The following LYRM7 variants were observed in gnomAD, a reference collection of about 807,000 sequenced individuals.
The protein encoded by LYRM7 is complex III assembly factor LYRM7.
Under a neutral mutation model 15.8 loss-of-function variants are expected in LYRM7, and 9 were observed. The observed-to-expected ratio is 0.57, with a 90% confidence interval of 0.34 to 0.99. LYRM7 has a LOEUF of 0.99. Ranked by LOEUF, LYRM7 falls within the 50% of genes least tolerant of loss-of-function variation. The pLI is 0.02. For synonymous variants in LYRM7, 39 were observed against 39.4 expected (o/e 0.99, Z 0.04); for missense variants, 115 against 119.1 (o/e 0.97, Z 0.16).
chr5:131,196,077 C>A (rs1048474957), intron 4 of LYRM7, among the ~76,000 whole-genome samples: 2 of 151,582 alleles, frequency 1.3e-5, no homozygotes, highest in Non-Finnish European at 2.9e-5. Flanking sequence ...GTGCTTGTTG[C>A]CTCTCCAGTA....
In LYRM7 at chr5:131,195,217, G is replaced by A. The variant is rs1755944509; in HGVS notation, c.245-4314G>A. ...TGGGAGGCAGAGGTTGCAGTGAGCC[G>A]AGATCACAGCCACTGCACTCCAGCC... is the stretch of plus-strand genomic sequence containing the variant. On this transcript the variant is annotated intron_variant, in intron 4 of 4. Coordinates refer to ENST00000379380, the MANE Select transcript of LYRM7 (RefSeq NM_181705.4). 2.0e-5 allele frequency among the ~76,000 whole-genome samples: 3 copies of A among 152,036 alleles called. No homozygotes were observed. The South Asian group carries it at 6.2e-4, about 32-fold the overall frequency.
rs1032461492 is a variant in LYRM7, at chr5:131,189,446, A to G, written c.244+2337A>G. Among the ~76,000 whole-genome samples, 91 of 97,560 alleles carry G rather than the reference A, an allele frequency of 9.3e-4. No individual in the cohort carries two copies. In the South Asian group the frequency reaches 0.018, roughly 20 times the overall value. The allele number at this position is 97,560 out of a possible 152,430, so 64.0% of individuals were successfully genotyped here. A position where few individuals can be genotyped will look rare whatever the true frequency, so the allele number is the denominator to read the frequency against. On this transcript the variant is annotated intron_variant, in intron 4 of 4. Coordinates refer to ENST00000379380, the MANE Select transcript of LYRM7 (RefSeq NM_181705.4). ...CAACAGAGCAAGACTCCGTCTCCCA[A>G]AAAAAAAAAAAAAAAAAAAAAAAAA...
At chr5:131,193,363 A>G (rs1269223784) in intron 4 of LYRM7, among the ~76,000 whole-genome samples, 1 of 152,262 alleles carries the variant, frequency 6.6e-6, no homozygotes, top group Admixed American at 6.5e-5. Context: ...GTACAGCTAC[A>G]GTTCTTGGAA....
intron 4 of LYRM7, among the ~76,000 whole-genome samples, chr5:131,196,184 A>T (rs1755960600): frequency 6.7e-6 from 1 of 149,416 alleles, no homozygotes; most frequent in Non-Finnish European, 1.5e-5. Context: ...GCTCACTGCA[A>T]CCTCAGCCTC....
At chr5:131,184,551 T>C (rs1755763235) in intron 3 of LYRM7, among the ~76,000 whole-genome samples, 1 of 151,822 alleles carries the variant, frequency 6.6e-6, no homozygotes, top group African/African-American at 2.4e-5. Flanking sequence ...TTCTTTTTTT[T>C]TGAGACGGAG....
chr5:131,184,244 G>C (rs1755758128), intron 3 of LYRM7, among the ~76,000 whole-genome samples: 2 of 152,242 alleles, frequency 1.3e-5, no homozygotes, highest in Non-Finnish European at 2.9e-5. Context: ...TGGGATTACA[G>C]GCGTGAGCCA....
intron 3 of LYRM7, among the ~76,000 whole-genome samples, chr5:131,184,399 G>T (rs1580696028): frequency 6.6e-6 from 1 of 151,550 alleles, no homozygotes; most frequent in South Asian, 2.1e-4. Flanking sequence ...TAGAGAGGAG[G>T]TCTTGCTTTG....
At chr5:131,176,232 CTT>C (rs1307690476) in intron 1 of LYRM7, among the ~76,000 whole-genome samples, 1 of 152,160 alleles carries the variant, frequency 6.6e-6, no homozygotes, top group Non-Finnish European at 1.5e-5. Flanking sequence ...TTTCATTTGT[CTT>C]GAGTATATAC....
intron 4 of LYRM7, among the ~76,000 whole-genome samples, chr5:131,197,260 C>G (rs1755980929): frequency 6.6e-6 from 1 of 152,108 alleles, no homozygotes; most frequent in Non-Finnish European, 1.5e-5. Flanking sequence ...ATGAAATAGG[C>G]ACATATAGGT....
chr5:131,181,589 A>G (rs1250674575), intron 2 of LYRM7, among the ~76,000 whole-genome samples: 1 of 150,806 alleles, frequency 6.6e-6, no homozygotes, highest in Non-Finnish European at 1.5e-5. Context: ...AGTTATAAGA[A>G]CAGCTAACAA....
At chr5:131,173,755 A>G (rs1450926723) in intron 1 of LYRM7, among the ~76,000 whole-genome samples, 2 of 152,216 alleles carry the variant, frequency 1.3e-5, no homozygotes, top group Non-Finnish European at 1.5e-5. Flanking sequence ...ATCTCAAAAA[A>G]TAAAAAATAA....
chr5:131,173,672 C>T (rs1391001791), intron 1 of LYRM7, among the ~76,000 whole-genome samples: 1 of 152,164 alleles, frequency 6.6e-6, no homozygotes, highest in Non-Finnish European at 1.5e-5. Context: ...TCCCTTGAAC[C>T]CAGGAGGCAG....
At chr5:131,194,998 T>G (rs180877448) in intron 4 of LYRM7, among the ~76,000 whole-genome samples, 2 of 152,292 alleles carry the variant, frequency 1.3e-5, no homozygotes, top group East Asian at 1.9e-4. Context: ...GATCGCTGGC[T>G]CACACCTGTT....
chr5:131,179,474 T>TTTTTTTTTTC (rs1755656256), intron 1 of LYRM7, among the ~76,000 whole-genome samples: 57 of 23,448 alleles, frequency 2.4e-3, no homozygotes, highest in East Asian at 7.5e-3. Context: ...TTTTTTTTTC[T>TTTTTTTTTTC]TTTTTTTTTT....
At chr5:131,171,325 C>G (rs1035473834) in intron 1 of LYRM7, among the ~76,000 whole-genome samples, 3 of 152,138 alleles carry the variant, frequency 2.0e-5, no homozygotes, top group Non-Finnish European at 2.9e-5. Context: ...GCCCTCGTTT[C>G]ATCTTCAGAC....
chr5:131,171,967 A>G (rs2149658169), intron 1 of LYRM7, among the ~76,000 whole-genome samples: 1 of 152,372 alleles, frequency 6.6e-6, no homozygotes, highest in Middle Eastern at 3.4e-3. Context: ...TTGTCTAAGC[A>G]TAGTGGATGC....
chr5:131,183,373 G>T (rs530636201), intron 3 of LYRM7, among the ~76,000 whole-genome samples: 2 of 152,128 alleles, frequency 1.3e-5, no homozygotes, highest in Non-Finnish European at 2.9e-5. Context: ...GAAGTTAAAA[G>T]GTATATGAGG....
intron 1 of LYRM7, among the ~76,000 whole-genome samples, chr5:131,179,474 T>TTTTTTTTTTTTTTTTTTTTTTTTTTC (rs1755656398): frequency 4.3e-5 from 1 of 23,492 alleles, no homozygotes; most frequent in Non-Finnish European, 1.9e-4. Flanking sequence ...TTTTTTTTTC[T>TTTTTTTTTTTTTTTTTTTTTTTTTTC]TTTTTTTTTT....
intron 2 of LYRM7, among the ~76,000 whole-genome samples, chr5:131,181,275 GAAAAAAAAAAAAAAA>G (rs1195878324): frequency 3.6e-4 from 3 of 8,334 alleles, no homozygotes; most frequent in African/African-American, 5.3e-4. Context: ...GACTCCATCT[GAAAAAAAAAAAAAAA>G]AAAAAAAAAA....
Sources: gnomAD v4.1 joint callset for allele counts (sites outside exome capture counted in the v4.1 genomes callset) on GRCh38, gnomAD v4.1.1 for gene constraint, MANE v1.5 for transcripts, NCBI Gene and HGNC (gene_info 2026-07-23, HGNC 2026-07-21) for gene names.